Variants in HHAT observed in about 807,000 individuals in gnomAD.
The protein encoded by HHAT is protein-cysteine N-palmitoyltransferase HHAT.
In HHAT, 47 loss-of-function variants were observed where a neutral mutation model predicts 70.8. The observed-to-expected ratio is 0.66, with a 90% confidence interval of 0.53 to 0.85. The LOEUF is 0.85. Among genes scored for constraint, HHAT ranks in the 40% least tolerant of loss-of-function variants. The pLI, the probability that HHAT is intolerant of heterozygous loss-of-function variation, is 0.00. For synonymous variants in HHAT, 228 were observed against 247.6 expected (o/e 0.92, Z 0.74); for missense variants, 609 against 604.8 (o/e 1.01, Z -0.07).
chr1:210,621,536 A>C (rs1162341091), intron 10 of HHAT, among the ~76,000 whole-genome samples: 1 of 152,170 alleles, frequency 6.6e-6, no homozygotes, highest in Non-Finnish European at 1.5e-5. Context: ...AGTCAGTAAT[A>C]CCCAGAAAAT....
intron 6 of HHAT, 82 bp downstream of exon 6, chr1:210,404,761 T>C (rs2092257494): frequency 8.7e-7 from 1 of 1,153,956 alleles, no homozygotes; most frequent in Non-Finnish European, 1.2e-6. Context: ...GACTCTTGAG[T>C]CGTTTTGTTC....
intron 9 of HHAT, among the ~76,000 whole-genome samples, chr1:210,541,566 A>C (rs2095431058): frequency 6.6e-6 from 1 of 152,136 alleles, no homozygotes; most frequent in African/African-American, 2.4e-5. Context: ...GTCTCTACTA[A>C]AAATACAAAA....
At chr1:210,547,720 G>T (rs185165640) in intron 9 of HHAT, among the ~76,000 whole-genome samples, 1 of 152,300 alleles carries the variant, frequency 6.6e-6, no homozygotes. Context: ...AAGGCTCTGG[G>T]AATTCAGACT....
At chr1:210,437,145 G>A (rs1027313944) in intron 7 of HHAT, among the ~76,000 whole-genome samples, 4 of 151,822 alleles carry the variant, frequency 2.6e-5, no homozygotes, top group Admixed American at 2.0e-4. Context: ...TCTGTATCCC[G>A]TGGGATAGAA....
At chr1:210,431,551 T>C (rs2093244276) in intron 7 of HHAT, among the ~76,000 whole-genome samples, 1 of 151,958 alleles carries the variant, frequency 6.6e-6, no homozygotes, top group African/African-American at 2.4e-5. Flanking sequence ...CAGTCTGTTA[T>C]ATTGCCAGAA....
chr1:210,475,595 A>T (rs752293822), intron 8 of HHAT, among the ~76,000 whole-genome samples: 51 of 152,228 alleles, frequency 3.4e-4, no homozygotes, highest in Non-Finnish European at 6.6e-4. Context: ...GAATAATTTC[A>T]TCCTCTTCTT....
chr1:210,623,723 C>T (rs148931612), intron 11 of HHAT, 53 bp downstream of exon 11: 201 of 1,555,934 alleles, frequency 1.3e-4, no homozygotes, highest in Middle Eastern at 1.2e-3. Flanking sequence ...TCCATGTATG[C>T]GGATGGGATC....
At chr1:210,620,752 T>C (rs1365449051) in intron 10 of HHAT, among the ~76,000 whole-genome samples, 1 of 152,238 alleles carries the variant, frequency 6.6e-6, no homozygotes, top group Non-Finnish European at 1.5e-5. Flanking sequence ...TTCTTGCTTA[T>C]TTAAATTTTT....
At chr1:210,475,743 T>A (rs2094295823) in intron 8 of HHAT, among the ~76,000 whole-genome samples, 1 of 152,206 alleles carries the variant, frequency 6.6e-6, no homozygotes, top group Non-Finnish European at 1.5e-5. Context: ...GCGAATGGCG[T>A]ATTCTTTTTG....
At chr1:210,583,034 G>A (rs1291048352) in intron 9 of HHAT, among the ~76,000 whole-genome samples, 1 of 152,122 alleles carries the variant, frequency 6.6e-6, no homozygotes, top group Non-Finnish European at 1.5e-5. Context: ...CCAGCCCTGG[G>A]GTTTCTGGAA....
chr1:210,438,181 T>TG (rs1379414696), intron 7 of HHAT, among the ~76,000 whole-genome samples: 2 of 151,626 alleles, frequency 1.3e-5, no homozygotes. Context: ...TGTTTGTGTG[T>TG]GTGTGTGTGT....
At chr1:210,585,647 G>A (rs1257364903) in intron 9 of HHAT, among the ~76,000 whole-genome samples, 1 of 152,114 alleles carries the variant, frequency 6.6e-6, no homozygotes, top group African/African-American at 2.4e-5. Flanking sequence ...TCGAACTCCT[G>A]ACCTCAGGTG....
chr1:210,396,208 TTC>T (rs1414881107), intron 4 of HHAT, among the ~76,000 whole-genome samples: 6 of 152,146 alleles, frequency 3.9e-5, no homozygotes, highest in Admixed American at 6.6e-5. Flanking sequence ...TTCCCCGGCT[TTC>T]TGTTTCATCT....
intron 7 of HHAT, among the ~76,000 whole-genome samples, chr1:210,432,662 C>T (rs2093278946): frequency 6.6e-6 from 1 of 151,896 alleles, no homozygotes; most frequent in African/African-American, 2.4e-5. Context: ...TGGGTCCTGA[C>T]TGCATCTTTT....
chr1:210,361,154 G>A (rs1191043286), intron 2 of HHAT, among the ~76,000 whole-genome samples: 4 of 152,170 alleles, frequency 2.6e-5, no homozygotes, highest in Non-Finnish European at 5.9e-5. Flanking sequence ...CTGTGAAAGT[G>A]AAGCCAAAAC....
chr1:210,628,037 A>T (rs1371287811), intron 11 of HHAT, among the ~76,000 whole-genome samples: 1 of 152,188 alleles, frequency 6.6e-6, no homozygotes, highest in Non-Finnish European at 1.5e-5. Flanking sequence ...TATCTTCAAC[A>T]AGCAGCTGAA....
intron 4 of HHAT, among the ~76,000 whole-genome samples, chr1:210,398,279 G>A (rs373230711): frequency 1.3e-5 from 2 of 152,156 alleles, no homozygotes; most frequent in African/African-American, 4.8e-5. Context: ...CATCATGAAT[G>A]TATATAGTAG....
At chr1:210,603,263 A>AT (rs1276616755) in intron 10 of HHAT, among the ~76,000 whole-genome samples, 1 of 151,846 alleles carries the variant, frequency 6.6e-6, no homozygotes, top group Non-Finnish European at 1.5e-5. Context: ...TGAGCCAAAG[A>AT]TGAGATCCAT....
intron 1 of HHAT, among the ~76,000 whole-genome samples, chr1:210,336,337 A>G (rs372328792): frequency 1.7e-5 from 2 of 117,768 alleles, no homozygotes; most frequent in East Asian, 4.7e-4. Context: ...CATGTTGCCC[A>G]GGCTGGTCTT....
Sources: allele counts gnomAD v4.1 joint callset (sites outside exome capture counted in the v4.1 genomes callset), GRCh38; gene constraint gnomAD v4.1.1; transcripts MANE v1.5; gene names NCBI Gene and HGNC (gene_info 2026-07-23, HGNC 2026-07-21).